Variants in CDR2L observed in about 807,000 individuals in gnomAD.
The protein encoded by CDR2L is cerebellar degeneration related protein 2 like.
CDR2L carries 19 observed loss-of-function variants against 36.1 expected under a neutral mutation model. The observed-to-expected ratio is 0.53, with a 90% CI of 0.37 to 0.77. CDR2L has a LOEUF of 0.77. CDR2L is among the 30% of genes least tolerant of loss of function. CDR2L has a pLI of 0.00. For missense variants in CDR2L, 575 were observed against 627.2 expected (o/e 0.92, Z 0.89); for synonymous variants, 285 against 280.4 (o/e 1.02, Z -0.16).
Position 75,001,478 on chromosome 17 carries a change from G to A in CDR2L, c.330G>A (p.Gln110=), listed in dbSNP as rs1376721201. 4 of 1,571,098 alleles carry A rather than the reference G, an allele frequency of 2.5e-6. No individual in the cohort carries two copies. The highest frequency in any genetic ancestry group is 2.6e-6 in the Non-Finnish European group (3 of 1,160,742). Residue 110 remains glutamine (Q), a synonymous_variant, in exon 3 of 5, where the codon CAG becomes CAA. Transcript: ENST00000337231. ...RLVLESKAAQ[Q]KIHGLTETIE... is the part of the protein sequence containing the mutation. The stretch of plus-strand genomic sequence containing the variant: ...TGCTGGAGAGTAAGGCTGCCCAGCA[G>A]AAGATCCATGGGTGAGGGCCCGGCT...
At position 74,995,754 on chromosome 17, in the gene CDR2L, C is replaced by T. The variant is rs374220932; in HGVS notation, c.80-3750C>T. On this transcript the variant is annotated intron_variant, in intron 1 of 4. Transcript: ENST00000337231. ...CTGACTTCAAGTGATCCACCCTCCT[C>T]GGCCTCTCAAAGTGCTGGGATTATA... Among the ~76,000 whole-genome samples, 25 of 152,262 alleles carry T rather than the reference C, an allele frequency of 1.6e-4. No homozygotes were observed. The Middle Eastern group carries it at 0.014, about 83-fold the overall frequency.
chr17:74,999,607 G>A lies in CDR2L; in HGVS notation c.183G>A (p.Gln61=). Residue 61 remains glutamine, a synonymous_variant, in exon 2 of 5, where the codon CAG becomes CAA. Coordinates refer to ENST00000337231, the MANE Select transcript of CDR2L (RefSeq NM_014603.3). ...QMYSTNEEQV[Q]EIEYLTKQLD... is the part of the protein sequence containing the mutation. Reference sequence around the variant, plus strand: ...ACTCCACCAATGAGGAACAGGTGCAGGAGATCGAGGTGAGGGCCCTGCATG... The same window carrying A: ...ACTCCACCAATGAGGAACAGGTGCAAGAGATCGAGGTGAGGGCCCTGCATG... 3.2e-6 allele frequency: 5 copies of A among 1,565,826 alleles called. No individual in the cohort carries two copies. The highest frequency in any genetic ancestry group is 4.3e-6 in the Non-Finnish European group (5 of 1,154,180).
chr17:74,997,919 T>A (rs866208849), intron 1 of CDR2L, among the ~76,000 whole-genome samples: 2 of 125,970 alleles, frequency 1.6e-5, no homozygotes, highest in South Asian at 2.6e-4. Context: ...TTTTAGAAGT[T>A]AAAAAAAAAA....
Position 75,003,305 on chromosome 17 carries a change from G to C in CDR2L, c.629G>C (p.Arg210Pro), listed in dbSNP as rs768101303. 8 of 1,555,642 alleles carry C rather than the reference G, an allele frequency of 5.1e-6. No individual in the cohort carries two copies. Among genetic ancestry groups the C allele is most frequent in the Non-Finnish European group, 7.0e-6 (8 of 1,150,658 alleles). Residue 210 changes from arginine to proline, a missense_variant, in exon 5 of 5, where the codon CGG becomes CCG. By Grantham distance (103) the Arg-to-Pro change is moderately radical. Coordinates refer to ENST00000337231, the MANE Select transcript of CDR2L (RefSeq NM_014603.3). ...GALRSQVSQE[R>P]QRKERAEREY... is the part of the protein sequence containing the mutation. The stretch of plus-strand genomic sequence containing the variant: ...CTGCGCTCCCAGGTGAGCCAGGAGC[G>C]GCAGCGCAAGGAGCGGGCGGAGCGC...
intron 1 of CDR2L, among the ~76,000 whole-genome samples, chr17:74,988,606 T>G (rs2039778011): frequency 6.6e-6 from 1 of 152,170 alleles, no homozygotes. Context: ...CCTAGAAAGT[T>G]TCCCTAACTC....
rs952522849 is a variant in CDR2L at position 74,995,406 on chromosome 17, T to C, written c.80-4098T>C. On this transcript the variant is annotated intron_variant, in intron 1 of 4. Coordinates refer to ENST00000337231, the MANE Select transcript of CDR2L (RefSeq NM_014603.3). The stretch of plus-strand genomic sequence containing the variant: ...TTGAACTCCTTTACTAAAGCAATCC[T>C]CCCACCTCGGCCTCCCAAAGTGCTG... 4.6e-5 allele frequency among the ~76,000 whole-genome samples: 7 copies of C among 152,056 alleles called. 2 individuals are homozygous for C. The East Asian group carries it at 5.8e-4, about 13-fold the overall frequency.
rs117639581 is a variant in CDR2L, at chr17:74,992,811, G to A, written c.79+4689G>A. Among the ~76,000 whole-genome samples, 952 of 152,292 alleles carry A rather than the reference G, an allele frequency of 6.3e-3. 5 individuals are homozygous for A. Among genetic ancestry groups the A allele is most frequent in the Non-Finnish European group, 9.7e-3 (662 of 68,026 alleles). Reference sequence around the variant, plus strand: ...CAAAGGGCAACCTTTGATGTCTCTGGTTTATAGGGTGGTATACCACCCTGG... The same window carrying A: ...CAAAGGGCAACCTTTGATGTCTCTGATTTATAGGGTGGTATACCACCCTGG... On this transcript the variant is annotated intron_variant, in intron 1 of 4. Transcript: ENST00000337231.
intron 1 of CDR2L, among the ~76,000 whole-genome samples, chr17:74,991,884 C>G (rs973087488): frequency 6.6e-6 from 1 of 152,094 alleles, no homozygotes; most frequent in South Asian, 2.1e-4. Context: ...CCTTGGTACC[C>G]GTGCTGTCCC....
In CDR2L at chr17:75,003,357, C is replaced by A; in HGVS notation, c.681C>A (p.Tyr227Ter). 6.4e-7 allele frequency: 1 copy of A among 1,558,108 alleles called. No individual in the cohort carries two copies. The highest frequency in any genetic ancestry group is 1.9e-5 in the Admixed American group (1 of 51,692). ...AGTACACCGCGGTGCTGCAGGAGTA[C>A]TCGGAGCTGGAGCGCCAGCTGTGCG... ...EREYTAVLQE[Y>*]SELERQLCEM... The change falls in exon 5 of 5, where the codon TAC becomes TAA. Residue 227 changes from tyrosine to a stop codon, truncating the protein, a stop_gained. Transcript: ENST00000337231. LOFTEE classifies it high-confidence loss of function.
chr17:74,990,779 A>G (rs1241084379), intron 1 of CDR2L, among the ~76,000 whole-genome samples: 1 of 152,196 alleles, frequency 6.6e-6, no homozygotes, highest in Non-Finnish European at 1.5e-5. Flanking sequence ...GGAGAGCTGG[A>G]TGGTGGGACG....
chr17:74,999,169 G>C (rs1003387131), intron 1 of CDR2L, among the ~76,000 whole-genome samples: 34 of 152,176 alleles, frequency 2.2e-4, no homozygotes, highest in South Asian at 4.1e-4. Context: ...ACAGCATTTT[G>C]TATTTGTTCC....
Position 74,996,153 on chromosome 17 carries a change from CA to C in CDR2L, c.80-3345del, listed in dbSNP as rs80063482. ...TTATCACCCTGCCTCGTTTTAGAAACAAAAAACAGGCCAGGCACAGTGACTC... is the reference window on the plus strand; with the variant it reads ...TTATCACCCTGCCTCGTTTTAGAAACAAAAACAGGCCAGGCACAGTGACTC... On this transcript the variant is annotated intron_variant, in intron 1 of 4. Transcript: ENST00000337231. Among the ~76,000 whole-genome samples, 9,197 of 151,792 alleles carry C rather than the reference CA, an allele frequency of 0.061. 1,223 individuals are homozygous for C. The East Asian group carries it at 0.61, about 10-fold the overall frequency.
chr17:75,004,727 T>G lies in CDR2L; in HGVS notation c.*653T>G, dbSNP rs2039892954. On this transcript the variant is annotated 3_prime_UTR_variant, in exon 5 of 5. Coordinates refer to ENST00000337231, the MANE Select transcript of CDR2L (RefSeq NM_014603.3). ...GCCCTGCCAGGGACAGGTTTCTCCC[T>G]GGATACTCTTGGCCCACCGCAGATC... is the stretch of plus-strand genomic sequence containing the variant. 2 of 152,658 alleles carry G rather than the reference T, an allele frequency of 1.3e-5. No individual in the cohort carries two copies. Among genetic ancestry groups the G allele is most frequent in the South Asian group, 4.1e-4 (2 of 4,844 alleles). 9.5% of individuals were successfully genotyped at this position (152,658 alleles called of 1,614,324 possible).
intron 1 of CDR2L, among the ~76,000 whole-genome samples, chr17:74,998,383 A>C (rs905482218): frequency 6.6e-6 from 1 of 150,872 alleles, no homozygotes; most frequent in South Asian, 2.1e-4. Context: ...TTTTTTTTTT[A>C]ATAGAGATGA....
At chr17:74,993,168 G>A (rs2039806688) in intron 1 of CDR2L, among the ~76,000 whole-genome samples, 1 of 152,162 alleles carries the variant, frequency 6.6e-6, no homozygotes, top group East Asian at 1.9e-4. Flanking sequence ...GTCCCACTAT[G>A]GAAAACAGGA....
At chr17:74,995,350 A>T (rs1413895413) in intron 1 of CDR2L, among the ~76,000 whole-genome samples, 10 of 151,918 alleles carry the variant, frequency 6.6e-5, no homozygotes, top group African/African-American at 2.4e-4. Flanking sequence ...TTTTGTAAAG[A>T]CAGGGTCTCA....
At chr17:74,996,511 G>A (rs2144860939) in intron 1 of CDR2L, among the ~76,000 whole-genome samples, 1 of 151,790 alleles carries the variant, frequency 6.6e-6, no homozygotes, top group East Asian at 1.9e-4. Context: ...TTGTTGGGAG[G>A]ATTGTATCCA....
Position 75,002,007 on chromosome 17 carries a change from G to A in CDR2L, c.342-57G>A, listed in dbSNP as rs79058777. The A allele has an allele frequency of 3.1e-4, 438 of 1,434,520 alleles. 10 individuals are homozygous for A. In the East Asian group the frequency reaches 0.012, roughly 38 times the overall value. 88.9% of individuals were successfully genotyped at this position (1,434,520 alleles called of 1,614,324 possible). A position where few individuals can be genotyped will look rare whatever the true frequency, so the allele number is the denominator to read the frequency against. On this transcript the variant is annotated intron_variant, in intron 3 of 4. Transcript: ENST00000337231. The surrounding 1 kb of genome is among the most constrained non-coding windows in gnomAD (Gnocchi z 4.1). The stretch of plus-strand genomic sequence containing the variant: ...ATCTTCAGGGAGCCAGGGCTGCCGT[G>A]AGGCAAACTGGCCCCATCCCCTTAA...
At chr17:74,998,225 C>CA (rs911883221) in intron 1 of CDR2L, among the ~76,000 whole-genome samples, 62 of 145,540 alleles carry the variant, frequency 4.3e-4, no homozygotes, top group Non-Finnish European at 7.1e-4. Flanking sequence ...AACTCCGTCT[C>CA]AAAAAAAAAA....
Sources: allele counts gnomAD v4.1 joint callset (sites outside exome capture counted in the v4.1 genomes callset), GRCh38; gene constraint gnomAD v4.1.1; non-coding constraint Gnocchi (gnomAD v3.1); transcripts MANE v1.5; gene names NCBI Gene and HGNC (gene_info 2026-07-23, HGNC 2026-07-21).